The following DTNB variants were observed in gnomAD, a reference collection of about 807,000 sequenced individuals.
DTNB encodes dystrobrevin beta, also known as DTN-B.
Under a neutral mutation model 90.7 loss-of-function variants are expected in DTNB, and 63 were observed. The observed-to-expected ratio is 0.69, with a 90% CI of 0.57 to 0.86. The LOEUF is 0.86. Ranked by LOEUF, DTNB falls within the 40% of genes least tolerant of loss-of-function variation. The pLI, the probability that DTNB is intolerant of heterozygous loss-of-function variation, is 0.00. For missense variants in DTNB, 744 were observed against 807.1 expected (o/e 0.92, Z 0.95); for synonymous variants, 277 against 286.7 (o/e 0.97, Z 0.34).
chr2:25,657,444 C>T (rs1233662202), intron 1 of DTNB, among the ~76,000 whole-genome samples: 5 of 152,118 alleles, frequency 3.3e-5, no homozygotes, highest in African/African-American at 7.2e-5. Context: ...ACACTGGGCA[C>T]GGTGACTCAC....
intron 1 of DTNB, among the ~76,000 whole-genome samples, chr2:25,653,748 G>C (rs1471260559): frequency 1.3e-5 from 2 of 152,078 alleles, no homozygotes; most frequent in African/African-American, 4.8e-5. Flanking sequence ...CCAGTCTCAA[G>C]TGATCTGCCT....
intron 18 of DTNB, 110 bp from the exon 19 acceptor site, chr2:25,383,999 T>A: frequency 6.3e-7 from 1 of 1,584,262 alleles, no homozygotes; most frequent in Non-Finnish European, 8.6e-7. Flanking sequence ...AGCTAACAGC[T>A]CCTGGCTGCA....
At chr2:25,377,999 G>A (rs1252806741) in intron 20 of DTNB, among the ~76,000 whole-genome samples, 1 of 152,176 alleles carries the variant, frequency 6.6e-6, no homozygotes, top group Admixed American at 6.5e-5. Flanking sequence ...GTCAGAGAGC[G>A]CAGGATTAGG....
chr2:25,462,695 T>C (rs564258459), intron 10 of DTNB, among the ~76,000 whole-genome samples: 1 of 152,262 alleles, frequency 6.6e-6, no homozygotes, highest in South Asian at 2.1e-4. Flanking sequence ...CTCTTGTTTA[T>C]ACTCAGAACA....
chr2:25,576,233 T>G (rs1009013781), intron 8 of DTNB, among the ~76,000 whole-genome samples: 9 of 146,952 alleles, frequency 6.1e-5, no homozygotes, highest in South Asian at 2.2e-4. Flanking sequence ...TTTTTTTTTT[T>G]TTTTTTTTTT....
intron 18 of DTNB, chr2:25,385,994 G>A: frequency 1.0e-6 from 1 of 982,108 alleles, no homozygotes; most frequent in Non-Finnish European, 1.2e-6. Context: ...ACATCTGTGG[G>A]GAGCTGCATT....
At chr2:25,486,267 A>G (rs1328748263) in intron 9 of DTNB, among the ~76,000 whole-genome samples, 2 of 152,172 alleles carry the variant, frequency 1.3e-5, no homozygotes, top group Non-Finnish European at 1.5e-5. Flanking sequence ...GTTTGAGACC[A>G]GCCTGGGCAA....
intron 8 of DTNB, among the ~76,000 whole-genome samples, chr2:25,566,590 TG>T (rs968154525): frequency 4.1e-4 from 63 of 152,298 alleles, no homozygotes; most frequent in African/African-American, 1.4e-3. Flanking sequence ...CACACTCAAG[TG>T]GGTCTGGTTT....
chr2:25,575,097 G>C (rs1001765538), intron 8 of DTNB, among the ~76,000 whole-genome samples: 1 of 151,834 alleles, frequency 6.6e-6, no homozygotes, highest in Non-Finnish European at 1.5e-5. Flanking sequence ...TCAAACCAGG[G>C]GGAATAAGAA....
At chr2:25,445,392 G>GT (rs2058247742) in intron 12 of DTNB, among the ~76,000 whole-genome samples, 1 of 152,102 alleles carries the variant, frequency 6.6e-6, no homozygotes, top group African/African-American at 2.4e-5. Context: ...AGTCAGATAC[G>GT]TGAGCTGACA....
chr2:25,621,412 T>G (rs1357895660), intron 4 of DTNB, among the ~76,000 whole-genome samples: 2 of 151,978 alleles, frequency 1.3e-5, no homozygotes, highest in Admixed American at 6.6e-5. Flanking sequence ...CAATATAACT[T>G]TTTAAATGGA....
chr2:25,494,085 G>A (rs986733378), intron 9 of DTNB, among the ~76,000 whole-genome samples: 5 of 152,270 alleles, frequency 3.3e-5, no homozygotes, highest in Admixed American at 2.0e-4. Context: ...GGGAGGTTGT[G>A]GGGGGAAGAC....
chr2:25,586,068 C>T (rs934253882), intron 6 of DTNB, among the ~76,000 whole-genome samples: 5 of 152,072 alleles, frequency 3.3e-5, no homozygotes, highest in Admixed American at 1.3e-4. Context: ...CTATATTTCT[C>T]TCATTGCAAA....
chr2:25,556,404 T>A (rs1389537613), intron 8 of DTNB, among the ~76,000 whole-genome samples: 3 of 152,158 alleles, frequency 2.0e-5, no homozygotes, highest in Non-Finnish European at 4.4e-5. Flanking sequence ...TTGCCAAAAC[T>A]GAATATTATC....
intron 9 of DTNB, among the ~76,000 whole-genome samples, chr2:25,523,898 T>C (rs1034755760): frequency 1.6e-5 from 2 of 128,120 alleles, no homozygotes; most frequent in African/African-American, 6.4e-5. Context: ...TCATCTGTAC[T>C]TTTTTTTTTT....
chr2:25,668,071 C>G (rs1280701876), intron 1 of DTNB, among the ~76,000 whole-genome samples: 2 of 152,058 alleles, frequency 1.3e-5, no homozygotes, highest in East Asian at 1.9e-4. Flanking sequence ...AACCCCGTCT[C>G]TACTAAAAAT....
intron 2 of DTNB, among the ~76,000 whole-genome samples, chr2:25,642,782 C>T (rs1379360144): frequency 6.6e-6 from 1 of 151,788 alleles, no homozygotes; most frequent in East Asian, 1.9e-4. Flanking sequence ...GAGATAGAGT[C>T]TCGCTCTGTC....
At chr2:25,612,225 T>C (rs2068829423) in intron 4 of DTNB, among the ~76,000 whole-genome samples, 2 of 152,048 alleles carry the variant, frequency 1.3e-5, no homozygotes, top group South Asian at 2.1e-4. Flanking sequence ...GACAGAATCA[T>C]ATGCAAGGCA....
intron 14 of DTNB, among the ~76,000 whole-genome samples, chr2:25,432,445 G>C (rs150312019): frequency 1.5e-4 from 23 of 152,284 alleles, no homozygotes; most frequent in African/African-American, 5.3e-4. Flanking sequence ...ATGTCTCAGA[G>C]ATGCGCACAG....
Sources: allele counts gnomAD v4.1 joint callset (sites outside exome capture counted in the v4.1 genomes callset), GRCh38; gene constraint gnomAD v4.1.1; transcripts MANE v1.5; gene names NCBI Gene and HGNC (gene_info 2026-07-23, HGNC 2026-07-21).